BCAS1: variants seen among roughly 807,000 people sequenced by gnomAD.
BCAS1 encodes the protein breast carcinoma-amplified sequence 1.
A neutral mutation model predicts 65.4 loss-of-function variants in BCAS1; 46 were observed. The ratio of observed to expected loss-of-function variants is 0.70; its 90% CI spans 0.55 to 0.90. The LOEUF is 0.90. Ranked by LOEUF, BCAS1 falls within the 40% of genes least tolerant of loss-of-function variation. The probability of loss-of-function intolerance (pLI) is 0.00; values close to 1 mark genes in which losing one functional copy is unlikely to be tolerated. For synonymous variants in BCAS1, 298 were observed against 293.5 expected (o/e 1.02, Z -0.16); for missense variants, 793 against 771.2 (o/e 1.03, Z -0.33).
At chr20:54,043,419 G>A (rs2092038126) in intron 3 of BCAS1, among the ~76,000 whole-genome samples, 1 of 152,118 alleles carries the variant, frequency 6.6e-6, no homozygotes, top group Admixed American at 6.5e-5. Flanking sequence ...CCAACTATGA[G>A]GTCTGCTGAT....
intron 3 of BCAS1, among the ~76,000 whole-genome samples, chr20:54,050,509 T>C (rs1243210657): frequency 6.6e-6 from 1 of 152,230 alleles, no homozygotes; most frequent in Non-Finnish European, 1.5e-5. Context: ...AATGGTTCTA[T>C]GGGAGAGGAT....
At chr20:54,058,435 G>A (rs1014964370) in intron 2 of BCAS1, among the ~76,000 whole-genome samples, 10 of 152,030 alleles carry the variant, frequency 6.6e-5, no homozygotes, top group African/African-American at 2.4e-4. Flanking sequence ...GGGACCCCAG[G>A]CTCAAATGGG....
intron 3 of BCAS1, among the ~76,000 whole-genome samples, chr20:54,035,079 T>C (rs2091873720): frequency 6.6e-6 from 1 of 151,234 alleles, no homozygotes; most frequent in African/African-American, 2.4e-5. Context: ...ACCGGCTAGC[T>C]GTACACAGAA....
chr20:53,954,315 G>GAGAA (rs1293890175), intron 11 of BCAS1, among the ~76,000 whole-genome samples: 8 of 151,648 alleles, frequency 5.3e-5, no homozygotes, highest in African/African-American at 1.9e-4. Context: ...GAGAGAGAGA[G>GAGAA]AGAGAGAGAG....
At chr20:54,031,943 C>T (rs2091810379) in intron 3 of BCAS1, among the ~76,000 whole-genome samples, 1 of 151,168 alleles carries the variant, frequency 6.6e-6, no homozygotes, top group African/African-American at 2.4e-5. Flanking sequence ...CTTCCCCAAC[C>T]TAGCTAGAGG....
At chr20:54,010,060 A>G (rs922411027) in intron 4 of BCAS1, among the ~76,000 whole-genome samples, 6 of 152,212 alleles carry the variant, frequency 3.9e-5, no homozygotes, top group Non-Finnish European at 8.8e-5. Flanking sequence ...GGAAGACAGT[A>G]ACAGAGGGTG....
At chr20:54,057,632 A>C (rs2092315331) in intron 3 of BCAS1, among the ~76,000 whole-genome samples, 1 of 152,210 alleles carries the variant, frequency 6.6e-6, no homozygotes, top group Non-Finnish European at 1.5e-5. Flanking sequence ...ACCCCCTGTG[A>C]ATGTGACCTT....
chr20:54,047,631 T>C (rs997031292), intron 3 of BCAS1, among the ~76,000 whole-genome samples: 32 of 152,294 alleles, frequency 2.1e-4, no homozygotes, highest in African/African-American at 7.0e-4. Flanking sequence ...TCAGTGGTGA[T>C]ACAGTGCAAT....
chr20:54,063,594 A>G (rs2092401592), intron 1 of BCAS1, among the ~76,000 whole-genome samples: 1 of 152,238 alleles, frequency 6.6e-6, no homozygotes, highest in African/African-American at 2.4e-5. Flanking sequence ...CCTATAGAAA[A>G]TAGTGTGATG....
At chr20:54,066,352 G>A (rs989022289) in intron 1 of BCAS1, among the ~76,000 whole-genome samples, 8 of 152,166 alleles carry the variant, frequency 5.3e-5, no homozygotes, top group East Asian at 3.9e-4. Flanking sequence ...GATTACAGGC[G>A]TGAGCCACCG....
chr20:53,974,497 C>T (rs1256329284), intron 9 of BCAS1, among the ~76,000 whole-genome samples: 3 of 152,158 alleles, frequency 2.0e-5, no homozygotes, highest in African/African-American at 4.8e-5. Context: ...ATTTCAGAAA[C>T]GTGTTTGGAT....
At chr20:54,059,013 G>A (rs1297376551) in intron 1 of BCAS1, among the ~76,000 whole-genome samples, 1 of 152,220 alleles carries the variant, frequency 6.6e-6, no homozygotes, top group Admixed American at 6.5e-5. Flanking sequence ...GACACCAGAA[G>A]AATGAGTGCG....
At chr20:54,039,105 CT>C (rs1395736253) in intron 3 of BCAS1, among the ~76,000 whole-genome samples, 4 of 151,460 alleles carry the variant, frequency 2.6e-5, no homozygotes, top group Non-Finnish European at 5.9e-5. Context: ...AATGGTCATG[CT>C]GCAAGAGTCA....
At chr20:54,052,651 C>T (rs1313684218) in intron 3 of BCAS1, among the ~76,000 whole-genome samples, 6 of 152,164 alleles carry the variant, frequency 3.9e-5, no homozygotes, top group East Asian at 1.9e-4. Flanking sequence ...GCCCTTCTGT[C>T]GTGTCTGCCA....
intron 1 of BCAS1, among the ~76,000 whole-genome samples, chr20:54,066,484 G>A (rs1190658035): frequency 6.6e-6 from 1 of 152,166 alleles, no homozygotes; most frequent in East Asian, 1.9e-4. Flanking sequence ...TCCAAAATTC[G>A]TGTTGGATTC....
At chr20:54,028,271 G>T in intron 4 of BCAS1, 121 bp downstream of exon 4, 2 of 919,776 alleles carry the variant, frequency 2.2e-6, no homozygotes, top group Non-Finnish European at 3.5e-6. Flanking sequence ...TTGTTCTAGA[G>T]GGGTCAACAG....
At chr20:54,024,941 C>A (rs73133445) in intron 4 of BCAS1, among the ~76,000 whole-genome samples, 5,683 of 152,176 alleles carry the variant, frequency 0.037, 140 homozygotes, top group Middle Eastern at 0.095. Context: ...TAGCCTGAGC[C>A]AATCTGAGGA....
intron 11 of BCAS1, among the ~76,000 whole-genome samples, chr20:53,956,650 A>C (rs1032596982): frequency 6.0e-5 from 9 of 149,854 alleles, no homozygotes; most frequent in African/African-American, 2.2e-4. Flanking sequence ...CAATTTGCCT[A>C]AGTCACACAG....
chr20:53,949,636 C>G (rs960405286), intron 12 of BCAS1, among the ~76,000 whole-genome samples: 1 of 152,180 alleles, frequency 6.6e-6, no homozygotes, highest in African/African-American at 2.4e-5. Flanking sequence ...AGGGAAGCCC[C>G]CCTCCGTCCT....
Sources: gnomAD v4.1 joint callset for allele counts (sites outside exome capture counted in the v4.1 genomes callset) on GRCh38, gnomAD v4.1.1 for gene constraint, MANE v1.5 for transcripts, NCBI Gene and HGNC (gene_info 2026-07-23, HGNC 2026-07-21) for gene names.